The following RYR2 variants were observed in gnomAD, a reference collection of about 807,000 sequenced individuals.
RYR2 encodes the protein ryanodine receptor 2, also known as cardiac muscle ryanodine receptor-calcium release channel.
RYR2 carries 227 observed loss-of-function variants against 601.1 expected under a neutral mutation model. The observed-to-expected ratio is 0.38, with a 90% CI of 0.34 to 0.42. RYR2 has a LOEUF of 0.42. Ranked by LOEUF, RYR2 falls within the 10% of genes least tolerant of loss-of-function variation. The pLI, the probability that RYR2 is intolerant of heterozygous loss-of-function variation, is 1.00. For missense variants in RYR2, 4,646 were observed against 6,156.5 expected (o/e 0.75, Z 8.21); for synonymous variants, 2,223 against 2,175.1 (o/e 1.02, Z -0.61).
chr1:237,151,904 G>C (rs1344173637), intron 1 of RYR2, among the ~76,000 whole-genome samples: 1 of 151,976 alleles, frequency 6.6e-6, no homozygotes, highest in African/African-American at 2.4e-5. Flanking sequence ...GGTTTGTTAC[G>C]TAGATAAACA....
At chr1:237,644,454 G>T (rs1227080841) in intron 48 of RYR2, among the ~76,000 whole-genome samples, 2 of 151,430 alleles carry the variant, frequency 1.3e-5, no homozygotes, top group Non-Finnish European at 2.9e-5. Context: ...GGATGGTCTC[G>T]ACCTCCTGAC....
At chr1:237,580,306 C>T (rs779722053) in intron 29 of RYR2, among the ~76,000 whole-genome samples, 26 of 151,618 alleles carry the variant, frequency 1.7e-4, no homozygotes, top group Non-Finnish European at 2.6e-4. Context: ...CAGGCACACA[C>T]CACGACGCCT....
At chr1:237,602,344 A>G (rs989408862) in intron 35 of RYR2, among the ~76,000 whole-genome samples, 6 of 144,144 alleles carry the variant, frequency 4.2e-5, no homozygotes, top group African/African-American at 1.4e-4. Context: ...AGGCCTATAG[A>G]AAAAAAAATG....
intron 8 of RYR2, among the ~76,000 whole-genome samples, chr1:237,381,896 A>G (rs999288608): frequency 6.6e-6 from 1 of 152,228 alleles, no homozygotes; most frequent in African/African-American, 2.4e-5. Flanking sequence ...TTTCAAAAAT[A>G]TCCAAAAGGA....
intron 21 of RYR2, among the ~76,000 whole-genome samples, chr1:237,501,703 C>G (rs1664657727): frequency 1.3e-5 from 2 of 152,186 alleles, no homozygotes; most frequent in South Asian, 4.1e-4. Flanking sequence ...TGAATATTAG[C>G]TATCCACGTA....
At chr1:237,255,197 A>T (rs997932528) in intron 1 of RYR2, among the ~76,000 whole-genome samples, 1 of 152,190 alleles carries the variant, frequency 6.6e-6, no homozygotes, top group Non-Finnish European at 1.5e-5. Context: ...AAACAGGTGC[A>T]TTTTTGTTGA....
chr1:237,043,218 C>T (rs1469261304), intron 1 of RYR2, among the ~76,000 whole-genome samples: 3 of 152,244 alleles, frequency 2.0e-5, no homozygotes, highest in Admixed American at 6.5e-5. Flanking sequence ...CCGCGGTTCC[C>T]GGGGCTGGTG....
At chr1:237,321,456 T>C (rs1172021631) in intron 2 of RYR2, among the ~76,000 whole-genome samples, 2 of 152,184 alleles carry the variant, frequency 1.3e-5, no homozygotes, top group African/African-American at 4.8e-5. Context: ...TCCGATATAC[T>C]TCTGTGACTA....
intron 10 of RYR2, among the ~76,000 whole-genome samples, chr1:237,391,592 G>C (rs1702386900): frequency 6.6e-6 from 1 of 152,022 alleles, no homozygotes; most frequent in African/African-American, 2.4e-5. Flanking sequence ...GTTTCTACAT[G>C]GATTTGTGCA....
At chr1:237,478,554 T>C (rs1463624423) in intron 17 of RYR2, among the ~76,000 whole-genome samples, 1 of 152,240 alleles carries the variant, frequency 6.6e-6, no homozygotes, top group Non-Finnish European at 1.5e-5. Context: ...TGCTAAGATA[T>C]GATATGGAGA....
chr1:237,593,693 T>C (rs1675493512), intron 33 of RYR2, 57 bp downstream of exon 33: 4 of 1,510,566 alleles, frequency 2.6e-6, no homozygotes, highest in Non-Finnish European at 3.7e-6. Context: ...TTGGTGAACC[T>C]AGCTATTCCT....
intron 12 of RYR2, among the ~76,000 whole-genome samples, chr1:237,433,863 C>T (rs12038715): frequency 0.4 from 61,218 of 151,940 alleles, 13,555 homozygotes; most frequent in East Asian, 0.5. Flanking sequence ...TTATGAAAGG[C>T]AAACACTTAA....
intron 16 of RYR2, among the ~76,000 whole-genome samples, chr1:237,460,583 A>C (rs1366663844): frequency 6.6e-6 from 1 of 152,168 alleles, no homozygotes; most frequent in Non-Finnish European, 1.5e-5. Context: ...GCAGTCAATA[A>C]ATATTTGCTT....
intron 1 of RYR2, among the ~76,000 whole-genome samples, chr1:237,166,367 TTC>T (rs1363842125): frequency 1.3e-5 from 2 of 152,252 alleles, no homozygotes; most frequent in African/African-American, 4.8e-5. Flanking sequence ...CAATTAAGCA[TTC>T]TGTTTTCTGA....
Position 237,587,573 on chromosome 1 carries a change from C to G in RYR2, c.3599-2220C>G, listed in dbSNP as rs183882167. 2.6e-4 allele frequency among the ~76,000 whole-genome samples: 39 copies of G among 152,032 alleles called. No individual in the cohort carries two copies. In the East Asian group the frequency reaches 5.4e-3, roughly 21 times the overall value. Reference sequence around the variant, plus strand: ...AATAATAATTACTTGGAGTATTTTCCTATGCATTAGTGGGCCTTTGAAAAC... The same window carrying G: ...AATAATAATTACTTGGAGTATTTTCGTATGCATTAGTGGGCCTTTGAAAAC... On this transcript the variant is annotated intron_variant, in intron 29 of 104. Transcript: ENST00000366574.
intron 1 of RYR2, among the ~76,000 whole-genome samples, chr1:237,131,595 A>C (rs1002917948): frequency 2.0e-5 from 3 of 152,234 alleles, no homozygotes; most frequent in African/African-American, 7.2e-5. Flanking sequence ...CAGGAGAGGT[A>C]TGAAAACTGT....
chr1:237,554,514 A>C lies in RYR2; in HGVS notation c.3214+3823A>C, dbSNP rs180876430. ...TGTAAATCTAGCTTCCTAAGTAGGAAATTTTCTCTTCTGTTTTCTGAAAGA... is the reference window on the plus strand; with the variant it reads ...TGTAAATCTAGCTTCCTAAGTAGGACATTTTCTCTTCTGTTTTCTGAAAGA... On this transcript the variant is annotated intron_variant, in intron 27 of 104. Coordinates refer to ENST00000366574, the MANE Select transcript of RYR2 (RefSeq NM_001035.3). Among the ~76,000 whole-genome samples the C allele has an allele frequency of 1.5e-3, 232 of 151,988 alleles. 1 individual carries two copies. The highest frequency in any genetic ancestry group is 5.4e-3 in the African/African-American group (225 of 41,538).
At chr1:237,159,901 G>A (rs577774505) in intron 1 of RYR2, among the ~76,000 whole-genome samples, 6 of 152,134 alleles carry the variant, frequency 3.9e-5, no homozygotes, top group East Asian at 3.9e-4. Context: ...AATTATTAAC[G>A]TGCACTTGAA....
chr1:237,065,774 C>T (rs1663527566), intron 1 of RYR2, among the ~76,000 whole-genome samples: 1 of 152,160 alleles, frequency 6.6e-6, no homozygotes, highest in Admixed American at 6.5e-5. Context: ...TTAATTGGCT[C>T]ATGGTTCCAC....
Sources: gnomAD v4.1 joint callset for allele counts (sites outside exome capture counted in the v4.1 genomes callset) on GRCh38, gnomAD v4.1.1 for gene constraint, MANE v1.5 for transcripts, NCBI Gene and HGNC (gene_info 2026-07-23, HGNC 2026-07-21) for gene names.